Variants in TMEM178B observed in about 807,000 individuals in gnomAD.
TMEM178B encodes transmembrane protein 178B.
A neutral mutation model predicts 31.0 loss-of-function variants in TMEM178B; 5 were observed. The ratio of observed to expected loss-of-function variants is 0.16; its 90% CI spans 0.08 to 0.34. The LOEUF (loss-of-function observed/expected upper bound fraction) is 0.34. Among genes scored for constraint, TMEM178B ranks in the 10% least tolerant of loss-of-function variants. The probability of loss-of-function intolerance (pLI) is 1.00; values close to 1 mark genes in which losing one functional copy is unlikely to be tolerated. For missense variants in TMEM178B, 275 were observed against 400.3 expected, an observed-to-expected ratio of 0.69 and a Z score of 2.67; for synonymous variants, 164 against 164.0, an observed-to-expected ratio of 1.00 and a Z score of 0.00.
chr7:141,332,463 C>T (rs1458167179), intron 2 of TMEM178B, among the ~76,000 whole-genome samples: 2 of 152,208 alleles, frequency 1.3e-5, no homozygotes, highest in Non-Finnish European at 2.9e-5. Flanking sequence ...ACGATTTCTG[C>T]AACCCATGAC....
At chr7:141,350,044 C>T (rs1198243924) in intron 2 of TMEM178B, among the ~76,000 whole-genome samples, 3 of 152,166 alleles carry the variant, frequency 2.0e-5, no homozygotes, top group East Asian at 3.9e-4. Flanking sequence ...TCCATCTATC[C>T]ATCCATCTAG....
At position 141,210,997 on chromosome 7, in the gene TMEM178B, G is replaced by T. The variant is rs142910432; in HGVS notation, c.383-1594G>T. Among the ~76,000 whole-genome samples, 6 of 152,324 alleles carry T rather than the reference G, an allele frequency of 3.9e-5. No individual in the cohort carries two copies. The East Asian group carries it at 1.2e-3, about 29-fold the overall frequency. ...ATTTATGATGTAGACTGGATGGGAG[G>T]TGATGCTATTAATGGAAATTGTTAT... On this transcript the variant is annotated intron_variant, in intron 1 of 3. Transcript: ENST00000565468.
chr7:141,101,483 G>GT (rs1795056009), intron 1 of TMEM178B, among the ~76,000 whole-genome samples: 2 of 152,188 alleles, frequency 1.3e-5, no homozygotes, highest in Admixed American at 6.5e-5. Context: ...TCTGGTACAG[G>GT]TTAAGACGCC....
chr7:141,181,902 C>A (rs75528303), intron 1 of TMEM178B, among the ~76,000 whole-genome samples: 5 of 152,298 alleles, frequency 3.3e-5, no homozygotes, highest in Middle Eastern at 3.4e-3. Context: ...CCCAAAGAGT[C>A]CTGCTGCTGG....
At chr7:141,290,169 C>T (rs1490511834) in intron 2 of TMEM178B, among the ~76,000 whole-genome samples, 1 of 152,198 alleles carries the variant, frequency 6.6e-6, no homozygotes, top group African/African-American at 2.4e-5. Context: ...TGAGTTTCTG[C>T]ACCCATAGAG....
At chr7:141,394,449 G>A (rs1800601172) in intron 2 of TMEM178B, among the ~76,000 whole-genome samples, 1 of 152,238 alleles carries the variant, frequency 6.6e-6, no homozygotes, top group South Asian at 2.1e-4. Context: ...CACTGGCAAT[G>A]TGGCCTTGGA....
At chr7:141,200,653 G>A (rs1283162781) in intron 1 of TMEM178B, among the ~76,000 whole-genome samples, 21 of 152,178 alleles carry the variant, frequency 1.4e-4, no homozygotes, top group Non-Finnish European at 1.2e-4. Context: ...AACAAGCCAT[G>A]CCAAGCTGAC....
At chr7:141,118,031 T>C (rs572631873) in intron 1 of TMEM178B, among the ~76,000 whole-genome samples, 1 of 152,326 alleles carries the variant, frequency 6.6e-6, no homozygotes, top group South Asian at 2.1e-4. Context: ...AATGTTACAT[T>C]ATTTGCTATC....
chr7:141,098,643 G>C (rs1795004058), intron 1 of TMEM178B, among the ~76,000 whole-genome samples: 1 of 152,186 alleles, frequency 6.6e-6, no homozygotes, highest in African/African-American at 2.4e-5. Flanking sequence ...CTATCTTAGA[G>C]ATTTATTGTG....
At chr7:141,490,781 T>G in the TMEM178B span, among the ~76,000 whole-genome samples, 1 of 152,228 alleles carries the variant, frequency 6.6e-6, no homozygotes, top group African/African-American at 2.4e-5. Flanking sequence ...CTTCAGCAGC[T>G]TCCCGTTTAC....
At chr7:141,304,152 T>C (rs1798773132) in intron 2 of TMEM178B, among the ~76,000 whole-genome samples, 1 of 152,234 alleles carries the variant, frequency 6.6e-6, no homozygotes, top group African/African-American at 2.4e-5. Context: ...ACCAGACAGC[T>C]ACAGTATGTG....
chr7:141,220,912 G>A (rs1345799772), intron 2 of TMEM178B, among the ~76,000 whole-genome samples: 1 of 152,172 alleles, frequency 6.6e-6, no homozygotes, highest in Non-Finnish European at 1.5e-5. Flanking sequence ...ATATTAAAAG[G>A]TATTCTGCTT....
chr7:141,231,328 C>T (rs746175580), intron 2 of TMEM178B, among the ~76,000 whole-genome samples: 4 of 147,932 alleles, frequency 2.7e-5, no homozygotes, highest in Admixed American at 6.7e-5. Flanking sequence ...AAAAAAAACA[C>T]GACAAGGCTG....
chr7:141,248,594 A>C (rs1163152528), intron 2 of TMEM178B, among the ~76,000 whole-genome samples: 1 of 152,208 alleles, frequency 6.6e-6, no homozygotes, highest in Non-Finnish European at 1.5e-5. Context: ...CCTGTACAGC[A>C]TGTTACTATA....
chr7:141,289,021 C>T (rs1027936234), intron 2 of TMEM178B, among the ~76,000 whole-genome samples: 18 of 152,286 alleles, frequency 1.2e-4, no homozygotes, highest in African/African-American at 4.3e-4. Context: ...AAAATTTTCT[C>T]CTGCTGGTCT....
At position 141,320,497 on chromosome 7, in the gene TMEM178B, G is replaced by A. The variant is rs796625114; in HGVS notation, c.496+107793G>A. Among the ~76,000 whole-genome samples, 5 of 152,264 alleles carry A rather than the reference G, an allele frequency of 3.3e-5. 1 individual carries two copies. Among genetic ancestry groups the A allele is most frequent in the African/African-American group, 1.2e-4 (5 of 41,556 alleles). On this transcript the variant is annotated intron_variant, in intron 2 of 3. Coordinates refer to ENST00000565468, the MANE Select transcript of TMEM178B (RefSeq NM_001195278.2). Reference sequence around the variant, plus strand: ...TGAGCCTTGTGAGTTCAAAGGCTGTGTCTTTCTACAGGCCTCAGTGTCTGG... The same window carrying A: ...TGAGCCTTGTGAGTTCAAAGGCTGTATCTTTCTACAGGCCTCAGTGTCTGG...
chr7:141,187,764 C>A (rs1334527992), intron 1 of TMEM178B, among the ~76,000 whole-genome samples: 1 of 152,072 alleles, frequency 6.6e-6, no homozygotes, highest in Non-Finnish European at 1.5e-5. Context: ...ATGTTTATAT[C>A]CTTCGCCCAC....
intron 2 of TMEM178B, among the ~76,000 whole-genome samples, chr7:141,285,083 A>C (rs74694326): frequency 0.022 from 3,132 of 142,604 alleles, 134 homozygotes; most frequent in East Asian, 0.14. Context: ...TACATACGTT[A>C]TTTGGATATC....
intron 3 of TMEM178B, among the ~76,000 whole-genome samples, chr7:141,450,590 G>C (rs73512200): frequency 6.6e-6 from 1 of 152,222 alleles, no homozygotes; most frequent in East Asian, 1.9e-4. Context: ...ACCCAAAAAG[G>C]GGGGAAAGGG....
Sources: gnomAD v4.1 joint callset for allele counts (sites outside exome capture counted in the v4.1 genomes callset) on GRCh38, gnomAD v4.1.1 for gene constraint, MANE v1.5 for transcripts, NCBI Gene and HGNC (gene_info 2026-07-23, HGNC 2026-07-21) for gene names.